ZNF704: variants seen among roughly 807,000 people sequenced by gnomAD.
The protein encoded by ZNF704 is zinc finger protein 704, also known as glucocorticoid induced gene 1.
A neutral mutation model predicts 44.7 loss-of-function variants in ZNF704; 10 were observed. The observed-to-expected ratio is 0.22, with a 90% CI of 0.14 to 0.38. ZNF704 has a LOEUF of 0.38. Among genes scored for constraint, ZNF704 ranks in the 10% least tolerant of loss-of-function variants. ZNF704 has a pLI of 1.00. For missense variants in ZNF704, 390 were observed against 545.5 expected (o/e 0.71, Z 2.84); for synonymous variants, 211 against 207.6 (o/e 1.02, Z -0.14).
At chr8:80,860,888 G>C (rs188935137) in intron 1 of ZNF704, among the ~76,000 whole-genome samples, 52 of 152,272 alleles carry the variant, frequency 3.4e-4, no homozygotes, top group African/African-American at 1.2e-3. Flanking sequence ...TTTTACTGCT[G>C]GATTTGTATG....
At chr8:80,755,026 T>G (rs1807011264) in intron 2 of ZNF704, among the ~76,000 whole-genome samples, 1 of 152,184 alleles carries the variant, frequency 6.6e-6, no homozygotes, top group South Asian at 2.1e-4. Context: ...GGGTAAAAGT[T>G]CATCATAGGT....
intron 2 of ZNF704, among the ~76,000 whole-genome samples, chr8:80,740,728 T>C (rs1246103313): frequency 6.6e-5 from 10 of 152,232 alleles, no homozygotes; most frequent in Admixed American, 1.3e-4. Flanking sequence ...CTCTCAATTC[T>C]TCTTTGCCTT....
intron 1 of ZNF704, among the ~76,000 whole-genome samples, chr8:80,855,359 T>TTGGCCGGGCACAGTGGCTCACGCCTG (rs1554587983): frequency 6.6e-6 from 1 of 152,052 alleles, no homozygotes; most frequent in Admixed American, 6.6e-5. Context: ...AAATCTTTGC[T>TTGGCCGGGCACAGTGGCTCACGCCTG]TAAGATATGG....
intron 7 of ZNF704, 63 bp downstream of exon 7, chr8:80,659,522 T>C: frequency 1.5e-6 from 2 of 1,355,928 alleles, no homozygotes; most frequent in Non-Finnish European, 2.1e-6. Flanking sequence ...CTACTATTTG[T>C]TCGCTAAATT....
At chr8:80,645,178 C>G (rs1374437863) in intron 7 of ZNF704, 3 of 1,586,944 alleles carry the variant, frequency 1.9e-6, no homozygotes, top group Non-Finnish European at 2.6e-6. Context: ...GACATGATCG[C>G]TCGGTTTGCT....
intron 2 of ZNF704, among the ~76,000 whole-genome samples, chr8:80,739,603 C>T (rs1007462875): frequency 4.6e-5 from 7 of 152,132 alleles, no homozygotes; most frequent in Admixed American, 6.5e-5. Context: ...TGGAAGACAT[C>T]GCTAGTTTCT....
chr8:80,664,975 A>G lies in ZNF704; in HGVS notation c.767T>C (p.Val256Ala). ...TGAAGCCAGGGACTGGGAAGGTGAGACCGGGGCCAGGCTGCTCAGCCCGTC... is the reference window on the plus strand; with the variant it reads ...TGAAGCCAGGGACTGGGAAGGTGAGGCCGGGGCCAGGCTGCTCAGCCCGTC... ...VADGLSSLAP[V>A]SPSQSLASPP... Residue 256 changes from valine to alanine, a missense_variant, in exon 6 of 9, where the codon GTC becomes GCC. Coordinates refer to ENST00000327835, the MANE Select transcript of ZNF704 (RefSeq NM_001033723.3). 6.2e-7 allele frequency: 1 copy of G among 1,614,134 alleles called. No homozygotes were observed. Among genetic ancestry groups the G allele is most frequent in the Non-Finnish European group, 8.5e-7 (1 of 1,180,004 alleles).
intron 2 of ZNF704, among the ~76,000 whole-genome samples, chr8:80,809,520 C>T (rs1253727956): frequency 6.6e-6 from 1 of 152,130 alleles, no homozygotes; most frequent in East Asian, 1.9e-4. Flanking sequence ...TTTGCCAAAT[C>T]CAGCCAAAAC....
chr8:80,795,999 A>C (rs1807794948), intron 2 of ZNF704, among the ~76,000 whole-genome samples: 1 of 152,160 alleles, frequency 6.6e-6, no homozygotes, highest in Non-Finnish European at 1.5e-5. Context: ...CTGCTCCAAA[A>C]TTTGTGCCCT....
chr8:80,870,967 C>T (rs1809242159), intron 1 of ZNF704, among the ~76,000 whole-genome samples: 1 of 152,152 alleles, frequency 6.6e-6, no homozygotes, highest in Non-Finnish European at 1.5e-5. Context: ...TACCTTCAAC[C>T]AACATTTACA....
rs73262561 is a variant in ZNF704 at position 80,800,025 on chromosome 8, A to G, written c.221+21349T>C. 4.4e-3 allele frequency among the ~76,000 whole-genome samples: 665 copies of G among 152,344 alleles called. 3 individuals carry two copies. Among genetic ancestry groups the G allele is most frequent in the African/African-American group, 0.015 (606 of 41,576 alleles). ...AACATGAGAACTTCACAATGCAATC[A>G]TAAGTATCAAGAGCAGAATAGACCA... On this transcript the variant is annotated intron_variant, in intron 2 of 8. Coordinates refer to ENST00000327835, the MANE Select transcript of ZNF704 (RefSeq NM_001033723.3).
intron 2 of ZNF704, among the ~76,000 whole-genome samples, chr8:80,731,576 T>C (rs1806582495): frequency 6.6e-6 from 1 of 152,182 alleles, no homozygotes; most frequent in African/African-American, 2.4e-5. Context: ...ATCTATATCA[T>C]TAGTAATAGC....
At chr8:80,668,760 CCCT>C (rs1228936667) in intron 5 of ZNF704, among the ~76,000 whole-genome samples, 4 of 152,196 alleles carry the variant, frequency 2.6e-5, no homozygotes, top group African/African-American at 9.7e-5. Flanking sequence ...TGACACGTTT[CCCT>C]CCTCATCCCC....
At chr8:80,767,454 A>C (rs1807246569) in intron 2 of ZNF704, among the ~76,000 whole-genome samples, 1 of 152,176 alleles carries the variant, frequency 6.6e-6, no homozygotes, top group Non-Finnish European at 1.5e-5. Flanking sequence ...TAGTTGCTAA[A>C]CAAATAAGAA....
chr8:80,825,917 A>G (rs1808363479), intron 1 of ZNF704, among the ~76,000 whole-genome samples: 1 of 152,212 alleles, frequency 6.6e-6, no homozygotes. Context: ...TCTGGGACAC[A>G]TTTAAAGCAG....
intron 2 of ZNF704, among the ~76,000 whole-genome samples, chr8:80,707,924 C>T (rs971680878): frequency 4.6e-5 from 7 of 152,242 alleles, no homozygotes; most frequent in Admixed American, 1.3e-4. Context: ...CTTCATAAGA[C>T]ACTTGGAGTG....
intron 2 of ZNF704, among the ~76,000 whole-genome samples, chr8:80,698,910 G>A (rs992882969): frequency 1.3e-5 from 2 of 152,136 alleles, no homozygotes; most frequent in African/African-American, 4.8e-5. Context: ...CTGCCTGCTT[G>A]GAGGGTGCAC....
chr8:80,732,277 A>G (rs1806594387), intron 2 of ZNF704, among the ~76,000 whole-genome samples: 1 of 152,102 alleles, frequency 6.6e-6, no homozygotes, highest in South Asian at 2.1e-4. Context: ...CCTGGTTACT[A>G]ATTTTCTCTT....
rs576287429 is a variant in ZNF704 at position 80,693,164 on chromosome 8, A to G, written c.222-57T>C. The stretch of plus-strand genomic sequence containing the variant: ...TCACTCTGCATCTGCTGTGGGCCAC[A>G]CAAGGTGTGACACGCTGTCACGCAT... On this transcript the variant is annotated intron_variant, in intron 2 of 8. Transcript: ENST00000327835. 2.0e-5 allele frequency: 28 copies of G among 1,409,306 alleles called. No individual in the cohort carries two copies. The East Asian group carries it at 6.4e-4, about 32-fold the overall frequency. 87.3% of individuals were successfully genotyped at this position (1,409,306 alleles called of 1,614,324 possible).
Sources: gnomAD v4.1 joint callset for allele counts (sites outside exome capture counted in the v4.1 genomes callset) on GRCh38, gnomAD v4.1.1 for gene constraint, MANE v1.5 for transcripts, NCBI Gene and HGNC (gene_info 2026-07-23, HGNC 2026-07-21) for gene names.